PDE6A: variants seen among roughly 807,000 people sequenced by gnomAD.
PDE6A encodes the protein phosphodiesterase 6A.
A neutral mutation model predicts 106.3 loss-of-function variants in PDE6A; 84 were observed. That is an observed-to-expected ratio of 0.79 (90% CI 0.66 to 0.95). PDE6A has a LOEUF of 0.95. Among genes scored for constraint, PDE6A ranks in the 40% least tolerant of loss-of-function variants. The probability of loss-of-function intolerance (pLI) is 0.00; values close to 1 mark genes in which losing one functional copy is unlikely to be tolerated. For synonymous variants in PDE6A, 394 were observed against 386.6 expected (o/e 1.02, Z -0.23); for missense variants, 1,052 against 1,084.9 (o/e 0.97, Z 0.43).
At chr5:149,898,304 G>C in intron 10 of PDE6A, 59 bp downstream of exon 10, 1 of 1,558,782 alleles carries the variant, frequency 6.4e-7, no homozygotes, top group Non-Finnish European at 8.8e-7. Context: ...CCTTAATCTG[G>C]CCACATCTCT....
In PDE6A at chr5:149,886,367, T is replaced by C. The variant is rs368690470; in HGVS notation, c.1736A>G (p.Lys579Arg). The C allele has an allele frequency of 4.5e-5, 72 of 1,613,346 alleles. No individual in the cohort carries two copies. The highest frequency in any genetic ancestry group is 5.7e-5 in the Non-Finnish European group (67 of 1,179,360). Residue 579 changes from lysine (K) to arginine (R), a missense_variant, in exon 14 of 22, where the codon AAG (lysine) becomes AGG (arginine). By Grantham distance (26) the Lys-to-Arg change is conservative. This residue lies in a region of PDE6A where 913 missense variants were observed against 915.2 expected (regional missense o/e 1.00). Coordinates refer to ENST00000255266, the MANE Select transcript of PDE6A (RefSeq NM_000440.3). ...TAGGTCCGTGAAGTAGCGCTTCAGC[T>C]TTCCCGTCTGGAAGGGCAATCAGAG... ...QTMFSLLVTG[K>R]LKRYFTDLEA... is the part of the protein sequence containing the mutation.
intron 5 of PDE6A, among the ~76,000 whole-genome samples, chr5:149,915,270 A>C (rs942079284): frequency 6.6e-6 from 1 of 152,064 alleles, no homozygotes; most frequent in African/African-American, 2.4e-5. Context: ...CAGCCTCCCG[A>C]AGTGCTGGGA....
intron 4 of PDE6A, among the ~76,000 whole-genome samples, chr5:149,926,559 A>G (rs1185204205): frequency 2.6e-5 from 4 of 152,252 alleles, no homozygotes; most frequent in African/African-American, 9.6e-5. Flanking sequence ...AAATATCTCT[A>G]CAATCTTAGA....
chr5:149,887,568 A>G (rs529630051), intron 13 of PDE6A, among the ~76,000 whole-genome samples: 1 of 152,274 alleles, frequency 6.6e-6, no homozygotes, highest in African/African-American at 2.4e-5. Flanking sequence ...GTTAGTCCCA[A>G]CTGCACCATT....
chr5:149,886,151 G>T, intron 14 of PDE6A, 114 bp downstream of exon 14: 2 of 775,750 alleles, frequency 2.6e-6, no homozygotes, highest in East Asian at 2.6e-5. Flanking sequence ...GCAGAAGGCG[G>T]TGGGAAGCTG....
At chr5:149,894,880 C>T (rs1052050568) in intron 13 of PDE6A, among the ~76,000 whole-genome samples, 1 of 152,080 alleles carries the variant, frequency 6.6e-6, no homozygotes, top group Non-Finnish European at 1.5e-5. Context: ...CCACCCGCCT[C>T]GGCATCCCAA....
rs139016378 is a variant in PDE6A, at chr5:149,917,022, T to A, written c.934-2015A>T. Among the ~76,000 whole-genome samples, 1,188 of 151,904 alleles carry A rather than the reference T, an allele frequency of 7.8e-3. 11 individuals carry two copies. The highest frequency in any genetic ancestry group is 0.028 in the African/African-American group (1,145 of 41,372). ...AACAATTTGACTGAGTTAGATCAGG[T>A]CTGTTTAATTGAATAAAAGGGGATA... is the stretch of plus-strand genomic sequence containing the variant. On this transcript the variant is annotated intron_variant, in intron 5 of 21. Transcript: ENST00000255266.
intron 6 of PDE6A, among the ~76,000 whole-genome samples, chr5:149,908,232 T>C (rs1171562732): frequency 6.6e-6 from 1 of 152,252 alleles, no homozygotes; most frequent in Non-Finnish European, 1.5e-5. Flanking sequence ...CATTCAACTG[T>C]TGGTGGACAT....
intron 17 of PDE6A, among the ~76,000 whole-genome samples, chr5:149,880,527 T>A (rs1201043680): frequency 1.3e-5 from 2 of 151,914 alleles, no homozygotes; most frequent in Non-Finnish European, 2.9e-5. Context: ...CTGACCAACA[T>A]GATGAAACCC....
intron 5 of PDE6A, among the ~76,000 whole-genome samples, chr5:149,920,774 G>A (rs374503706): frequency 8.6e-5 from 13 of 151,292 alleles, no homozygotes; most frequent in South Asian, 4.2e-4. Context: ...AGGGTTAGCC[G>A]CCAATTTCCC....
intron 18 of PDE6A, 120 bp from the exon 19 acceptor site, chr5:149,867,919 C>T (rs1760390789): frequency 6.1e-6 from 7 of 1,142,910 alleles, no homozygotes; most frequent in East Asian, 4.8e-5. Flanking sequence ...CCTGCCCTGC[C>T]ACCCTCACTT....
chr5:149,876,451 G>A (rs888804071), intron 17 of PDE6A, among the ~76,000 whole-genome samples: 1 of 150,900 alleles, frequency 6.6e-6, no homozygotes, highest in Non-Finnish European at 1.5e-5. Flanking sequence ...AAACTCCTGG[G>A]CTCAAGTAAT....
At chr5:149,870,159 T>C (rs1760481170) in intron 17 of PDE6A, among the ~76,000 whole-genome samples, 2 of 152,004 alleles carry the variant, frequency 1.3e-5, no homozygotes, top group South Asian at 4.2e-4. Flanking sequence ...CGTGGTGGCA[T>C]GTGCCCGTAG....
At chr5:149,878,088 G>A (rs1760803480) in intron 17 of PDE6A, among the ~76,000 whole-genome samples, 1 of 152,210 alleles carries the variant, frequency 6.6e-6, no homozygotes, top group Non-Finnish European at 1.5e-5. Flanking sequence ...TATTTTGTAA[G>A]GTGGGGAAGA....
At chr5:149,915,186 C>T (rs1480147161) in intron 5 of PDE6A, among the ~76,000 whole-genome samples, 179 bp from the exon 6 acceptor site, 2 of 151,922 alleles carry the variant, frequency 1.3e-5, no homozygotes, top group Admixed American at 1.3e-4. Flanking sequence ...AGGCACGCAC[C>T]ACCATGCCCG....
At chr5:149,942,407 T>A (rs1754349682) in intron 1 of PDE6A, among the ~76,000 whole-genome samples, 1 of 152,182 alleles carries the variant, frequency 6.6e-6, no homozygotes, top group South Asian at 2.1e-4. Context: ...TCACCCCACC[T>A]TAGGCAGCCT....
At chr5:149,925,697 A>T (rs1405760550) in intron 4 of PDE6A, among the ~76,000 whole-genome samples, 1 of 114,928 alleles carries the variant, frequency 8.7e-6, no homozygotes, top group Admixed American at 1.0e-4. Context: ...ACAGAATGAG[A>T]CTCTGTCTCA....
chr5:149,901,056 CA>C (rs1278603720), intron 8 of PDE6A, among the ~76,000 whole-genome samples: 1 of 152,198 alleles, frequency 6.6e-6, no homozygotes, highest in Non-Finnish European at 1.5e-5. Context: ...GCTGGGATTA[CA>C]GATGCCCACT....
intron 1 of PDE6A, among the ~76,000 whole-genome samples, chr5:149,942,342 C>T (rs1754348258): frequency 6.6e-6 from 1 of 152,078 alleles, no homozygotes; most frequent in Non-Finnish European, 1.5e-5. Context: ...CAGGTGCAAT[C>T]CCACTACTAA....
Sources: allele counts gnomAD v4.1 joint callset (sites outside exome capture counted in the v4.1 genomes callset), GRCh38; gene constraint gnomAD v4.1.1; regional missense constraint gnomAD v4.1.1; transcripts MANE v1.5; gene names NCBI Gene and HGNC (gene_info 2026-07-23, HGNC 2026-07-21).